MARCHF1: variants seen among roughly 807,000 people sequenced by gnomAD.
MARCHF1 encodes E3 ubiquitin-protein ligase MARCHF1.
In MARCHF1, 40 loss-of-function variants were observed where a neutral mutation model predicts 54.2. That is an observed-to-expected ratio of 0.74 (90% CI 0.57 to 0.96). The LOEUF (loss-of-function observed/expected upper bound fraction) is 0.96. MARCHF1 is among the 40% of genes least tolerant of loss of function. The probability of loss-of-function intolerance (pLI) is 0.00; values close to 1 mark genes in which losing one functional copy is unlikely to be tolerated. For synonymous variants in MARCHF1, 236 were observed against 236.3 expected, an observed-to-expected ratio of 1.00 and a Z score of 0.01; for missense variants, 586 against 656.5, an observed-to-expected ratio of 0.89 and a Z score of 1.17.
intron 8 of MARCHF1, chr4:163,584,972 C>G (rs1740359861): frequency 1.3e-5 from 2 of 152,136 alleles, no homozygotes; most frequent in Non-Finnish European, 2.9e-5. Flanking sequence ...ATGCTAAAAT[C>G]CAGAAGTCCA....
chr4:163,668,243 T>C (rs566037338), intron 5 of MARCHF1, among the ~76,000 whole-genome samples: 153 of 152,298 alleles, frequency 1.0e-3, no homozygotes, highest in African/African-American at 3.6e-3. Context: ...AAGCTGGCAA[T>C]GAATTAGTGA....
chr4:163,632,254 G>C (rs890060504), intron 5 of MARCHF1, among the ~76,000 whole-genome samples: 6 of 152,152 alleles, frequency 3.9e-5, no homozygotes, highest in African/African-American at 1.4e-4. Context: ...CAAGATGGCC[G>C]AATAGGAACA....
intron 1 of MARCHF1, among the ~76,000 whole-genome samples, chr4:164,119,118 A>G (rs929182386): frequency 6.6e-6 from 1 of 151,678 alleles, no homozygotes; most frequent in Non-Finnish European, 1.5e-5. Flanking sequence ...ATTAGACCCT[A>G]AAAAACCCTT....
At chr4:163,737,213 AATTTTTTTTT>A (rs1746069315) in intron 4 of MARCHF1, among the ~76,000 whole-genome samples, 2 of 14,454 alleles carry the variant, frequency 1.4e-4, no homozygotes, top group Admixed American at 5.6e-4. Flanking sequence ...TATTTTTTTT[AATTTTTTTTT>A]TTTTTATTAT....
intron 2 of MARCHF1, among the ~76,000 whole-genome samples, chr4:164,092,324 C>A (rs1170967946): frequency 1.3e-5 from 2 of 152,128 alleles, no homozygotes; most frequent in South Asian, 4.1e-4. Flanking sequence ...TCTGTGGACT[C>A]AGGTAAGGCC....
At chr4:164,031,282 G>A (rs1262653773) in intron 2 of MARCHF1, among the ~76,000 whole-genome samples, 1 of 152,120 alleles carries the variant, frequency 6.6e-6, no homozygotes, top group Admixed American at 6.6e-5. Context: ...TTGCATAGTG[G>A]TGTTTATTGT....
At chr4:163,741,405 T>G (rs892567469) in intron 4 of MARCHF1, among the ~76,000 whole-genome samples, 9 of 151,952 alleles carry the variant, frequency 5.9e-5, no homozygotes, top group Admixed American at 2.6e-4. Context: ...GCCAACATGA[T>G]GAAACCCCAT....
At chr4:163,714,978 A>T (rs979072242) in intron 4 of MARCHF1, among the ~76,000 whole-genome samples, 33 of 152,174 alleles carry the variant, frequency 2.2e-4, no homozygotes, top group African/African-American at 7.7e-4. Flanking sequence ...CACTGCACCC[A>T]GCCTATACAC....
At chr4:163,545,193 A>G (rs1738855401) in intron 9 of MARCHF1, among the ~76,000 whole-genome samples, 1 of 152,222 alleles carries the variant, frequency 6.6e-6, no homozygotes, top group Non-Finnish European at 1.5e-5. Flanking sequence ...CTCTACTGGA[A>G]TGCCATCTCC....
chr4:164,187,930 A>T (rs1731015295), intron 1 of MARCHF1, among the ~76,000 whole-genome samples: 1 of 152,148 alleles, frequency 6.6e-6, no homozygotes, highest in Admixed American at 6.5e-5. Context: ...TAGTAAACCT[A>T]TAAATTATTG....
intron 4 of MARCHF1, among the ~76,000 whole-genome samples, chr4:163,807,555 T>C (rs1435072036): frequency 6.6e-6 from 1 of 152,124 alleles, no homozygotes; most frequent in Non-Finnish European, 1.5e-5. Context: ...TCAAATATAT[T>C]ACAATAAAGG....
chr4:164,326,182 T>TC (rs1735276623), intron 1 of MARCHF1, among the ~76,000 whole-genome samples: 1 of 152,154 alleles, frequency 6.6e-6, no homozygotes, highest in Non-Finnish European at 1.5e-5. Flanking sequence ...GAATTGCAGC[T>TC]CTCCACTGAG....
At chr4:164,031,748 G>T (rs1753882322) in intron 2 of MARCHF1, among the ~76,000 whole-genome samples, 1 of 152,138 alleles carries the variant, frequency 6.6e-6, no homozygotes, top group Non-Finnish European at 1.5e-5. Context: ...TTTTATTGAG[G>T]ATTTTTACAT....
At chr4:163,785,038 C>A (rs1241577473) in intron 4 of MARCHF1, among the ~76,000 whole-genome samples, 2 of 151,956 alleles carry the variant, frequency 1.3e-5, no homozygotes, top group African/African-American at 2.4e-5. Context: ...GTATTGACTG[C>A]AGAATGGAGA....
intron 8 of MARCHF1, among the ~76,000 whole-genome samples, chr4:163,574,687 T>G (rs924586320): frequency 6.6e-6 from 1 of 152,056 alleles, no homozygotes; most frequent in African/African-American, 2.4e-5. Flanking sequence ...TCTGTTTTGG[T>G]ACCAGTACCA....
intron 1 of MARCHF1, among the ~76,000 whole-genome samples, chr4:164,238,432 C>A (rs903975001): frequency 6.6e-6 from 1 of 152,060 alleles, no homozygotes; most frequent in South Asian, 2.1e-4. Flanking sequence ...ATTTGCATGA[C>A]TTTACAAGGA....
At chr4:163,544,618 C>A (rs1458337596) in intron 9 of MARCHF1, among the ~76,000 whole-genome samples, 1 of 152,334 alleles carries the variant, frequency 6.6e-6, no homozygotes, top group East Asian at 1.9e-4. Context: ...GCCTCCCCTT[C>A]TGTGTTTATG....
rs990602068 is a variant in MARCHF1 at position 164,266,604 on chromosome 4, A to G, written c.-323+117266T>C. 2.6e-5 allele frequency among the ~76,000 whole-genome samples: 4 copies of G among 152,294 alleles called. No homozygotes were observed. In the South Asian group the frequency reaches 6.2e-4, roughly 24 times the overall value. On this transcript the variant is annotated intron_variant, in intron 1 of 9. Coordinates refer to ENST00000514618, the MANE Select transcript of MARCHF1 (RefSeq NM_001394959.1). Reference sequence around the variant, plus strand: ...CCTAGCCCTGTGATTTTTCAGGTTCACTTTTCTAAATTTGTGAATTAAATA... The same window carrying G: ...CCTAGCCCTGTGATTTTTCAGGTTCGCTTTTCTAAATTTGTGAATTAAATA...
rs1291113688 is a variant in MARCHF1 at position 164,176,957 on chromosome 4, T to A, written c.-322-65295A>T. 1.5e-3 allele frequency among the ~76,000 whole-genome samples: 69 copies of A among 44,776 alleles called. 2 individuals are homozygous for A. Among genetic ancestry groups the A allele is most frequent in the African/African-American group, 7.3e-3 (63 of 8,580 alleles). The allele number at this position is 44,776 out of a possible 152,430, so 29.4% of individuals were successfully genotyped here. ...ACCTTGTGCGCTCTCTCTCTCTCTC[T>A]CTCTCTCTCTCTCTCTCTCTCTCTA... On this transcript the variant is annotated intron_variant, in intron 1 of 9. Transcript: ENST00000514618.
Sources: allele counts gnomAD v4.1 joint callset (sites outside exome capture counted in the v4.1 genomes callset), GRCh38; gene constraint gnomAD v4.1.1; transcripts MANE v1.5; gene names NCBI Gene and HGNC (gene_info 2026-07-23, HGNC 2026-07-21).